Variants in OSBP2 observed in about 807,000 individuals in gnomAD.
The protein encoded by OSBP2 is oxysterol-binding protein 2.
In OSBP2, 66 loss-of-function variants were observed where a neutral mutation model predicts 96.0. The ratio of observed to expected loss-of-function variants is 0.69; its 90% CI spans 0.56 to 0.84. The LOEUF (loss-of-function observed/expected upper bound fraction) is 0.84. OSBP2 is among the 40% of genes least tolerant of loss of function. The pLI is 0.00. For synonymous variants in OSBP2, 525 were observed against 520.9 expected (o/e 1.01, Z -0.11); for missense variants, 1,038 against 1,222.7 (o/e 0.85, Z 2.25).
In OSBP2 at chr22:30,761,970, C is replaced by A. The variant is rs114016225; in HGVS notation, c.853+20601C>A. ...GTAAACCATACAACTATAATACTCC[C>A]AGCAGTTTGGGAGGCCGAGGCGGGT... On this transcript the variant is annotated intron_variant, in intron 2 of 13. Coordinates refer to ENST00000332585, the MANE Select transcript of OSBP2 (RefSeq NM_030758.4). Among the ~76,000 whole-genome samples, 1,083 of 152,230 alleles carry A rather than the reference C, an allele frequency of 7.1e-3. 11 individuals carry two copies. Among genetic ancestry groups the A allele is most frequent in the African/African-American group, 0.025 (1,027 of 41,526 alleles).
intron 1 of OSBP2, among the ~76,000 whole-genome samples, chr22:30,703,830 C>G (rs775831239): frequency 2.0e-5 from 3 of 152,154 alleles, no homozygotes; most frequent in Non-Finnish European, 2.9e-5. Context: ...TTGCCTTGCA[C>G]TGTTGGAAGC....
chr22:30,806,190 T>G (rs2090925731), intron 2 of OSBP2, among the ~76,000 whole-genome samples: 1 of 152,190 alleles, frequency 6.6e-6, no homozygotes, highest in Non-Finnish European at 1.5e-5. Context: ...GGTCTGACTC[T>G]GGCCCTGCCT....
chr22:30,822,625 C>T (rs1212939968), intron 2 of OSBP2: 12 of 1,530,948 alleles, frequency 7.8e-6, no homozygotes, highest in Non-Finnish European at 1.0e-5. Context: ...TGCCCCGCCG[C>T]GGGAAATGAA....
chr22:30,751,752 C>T (rs2090076342), intron 2 of OSBP2, among the ~76,000 whole-genome samples: 1 of 152,186 alleles, frequency 6.6e-6, no homozygotes, highest in Non-Finnish European at 1.5e-5. Context: ...GGCAGAATCA[C>T]CCGCAGGAGA....
chr22:30,768,409 G>T (rs984275355), intron 2 of OSBP2, among the ~76,000 whole-genome samples: 17 of 152,142 alleles, frequency 1.1e-4, no homozygotes, highest in African/African-American at 4.1e-4. Flanking sequence ...AGGCATGGTG[G>T]CTCATACCTA....
intron 1 of OSBP2, among the ~76,000 whole-genome samples, chr22:30,714,963 CAT>C (rs1321920287): frequency 6.6e-6 from 1 of 152,124 alleles, no homozygotes; most frequent in East Asian, 1.9e-4. Context: ...ATTGCTGTAT[CAT>C]ATGGTAGTTC....
At chr22:30,845,608 G>C (rs902757040) in intron 2 of OSBP2, among the ~76,000 whole-genome samples, 6 of 151,480 alleles carry the variant, frequency 4.0e-5, no homozygotes, top group Non-Finnish European at 8.8e-5. Context: ...GGACGGCCAG[G>C]CACGGTGGCT....
chr22:30,833,678 G>A (rs1339661046), intron 2 of OSBP2, among the ~76,000 whole-genome samples: 1 of 152,184 alleles, frequency 6.6e-6, no homozygotes, highest in Non-Finnish European at 1.5e-5. Flanking sequence ...GTTGAGAATT[G>A]AAAACAGTAT....
chr22:30,775,791 G>C (rs1375131180), intron 2 of OSBP2, among the ~76,000 whole-genome samples: 3 of 151,734 alleles, frequency 2.0e-5, no homozygotes. Context: ...GATTTTTTTG[G>C]GGGGGAGGTT....
At chr22:30,846,582 T>G (rs922780921) in intron 2 of OSBP2, among the ~76,000 whole-genome samples, 5 of 148,494 alleles carry the variant, frequency 3.4e-5, no homozygotes, top group Non-Finnish European at 6.0e-5. Context: ...TCACTGTGGG[T>G]TTTTTTTTTA....
chr22:30,874,964 C>T (rs573375327), intron 3 of OSBP2, among the ~76,000 whole-genome samples: 1 of 152,318 alleles, frequency 6.6e-6, no homozygotes, highest in Admixed American at 6.5e-5. Flanking sequence ...TTTGTGCTCC[C>T]TGAGGTCAGG....
rs17674378 is a variant in OSBP2 at position 30,768,300 on chromosome 22, T to G, written c.853+26931T>G. Among the ~76,000 whole-genome samples, 1,270 of 152,282 alleles carry G rather than the reference T, an allele frequency of 8.3e-3. 13 individuals are homozygous for G. The highest frequency in any genetic ancestry group is 0.037 in the Middle Eastern group (11 of 294). On this transcript the variant is annotated intron_variant, in intron 2 of 13. Transcript: ENST00000332585. ...TGGCCACCTTATTTCAGTAGAGAAG[T>G]AGGCGTTATGTAATACGCCTCTGGG...
At chr22:30,697,777 T>C (rs2089075387) in intron 1 of OSBP2, among the ~76,000 whole-genome samples, 1 of 152,224 alleles carries the variant, frequency 6.6e-6, no homozygotes, top group African/African-American at 2.4e-5. Context: ...GTCAAATTGT[T>C]GCTGACCTTA....
chr22:30,707,013 C>T (rs1056495884), intron 1 of OSBP2, among the ~76,000 whole-genome samples: 3 of 152,132 alleles, frequency 2.0e-5, no homozygotes, highest in Non-Finnish European at 2.9e-5. Context: ...TCCTCCCCAC[C>T]GGAACATAGG....
chr22:30,722,821 G>A (rs2089575318), intron 1 of OSBP2, among the ~76,000 whole-genome samples: 1 of 108,682 alleles, frequency 9.2e-6, no homozygotes, highest in Non-Finnish European at 1.7e-5. Context: ...GTCTCACTCT[G>A]TCACCCAGGC....
intron 12 of OSBP2, among the ~76,000 whole-genome samples, chr22:30,895,326 G>A (rs1448624699): frequency 2.0e-5 from 3 of 152,112 alleles, no homozygotes; most frequent in African/African-American, 7.2e-5. Context: ...TAAAAGCAAA[G>A]AGATGAAAGA....
chr22:30,748,452 G>A (rs987671729), intron 2 of OSBP2, among the ~76,000 whole-genome samples: 2 of 152,132 alleles, frequency 1.3e-5, no homozygotes, highest in Non-Finnish European at 2.9e-5. Flanking sequence ...GTTCCTTGAG[G>A]GCAGAGAGAG....
chr22:30,889,341 C>G (rs1308001201), intron 6 of OSBP2, 107 bp downstream of exon 6: 2 of 1,416,540 alleles, frequency 1.4e-6, no homozygotes, highest in Non-Finnish European at 2.0e-6. Flanking sequence ...GGCCCATGCC[C>G]CAGTCCAGGA....
chr22:30,902,681 C>A, intron 12 of OSBP2: 1 of 550,738 alleles, frequency 1.8e-6, no homozygotes. Context: ...GCTTAAACCT[C>A]GAATGTTGTG....
Sources: allele counts gnomAD v4.1 joint callset (sites outside exome capture counted in the v4.1 genomes callset), GRCh38; gene constraint gnomAD v4.1.1; transcripts MANE v1.5; gene names NCBI Gene and HGNC (gene_info 2026-07-23, HGNC 2026-07-21).